SHLD1: variants seen among roughly 807,000 people sequenced by gnomAD.
SHLD1 encodes the protein RINN1-REV7-interacting novel NHEJ regulator 3.
In SHLD1, 3 loss-of-function variants were observed where a neutral mutation model predicts 5.5. The ratio of observed to expected loss-of-function variants is 0.54; its 90% CI spans 0.25 to 1.40. The LOEUF (loss-of-function observed/expected upper bound fraction) is 1.40, where lower values mean the gene tolerates loss of function less well. SHLD1 is among the 40% of genes most tolerant of loss of function. SHLD1 has a pLI of 0.15. For missense variants in SHLD1, 210 were observed against 244.4 expected (o/e 0.86, Z 0.94); for synonymous variants, 92 against 94.3 (o/e 0.98, Z 0.14).
At chr20:5,817,153 C>T (rs1861220004) in intron 2 of SHLD1, among the ~76,000 whole-genome samples, 1 of 152,148 alleles carries the variant, frequency 6.6e-6, no homozygotes, top group African/African-American at 2.4e-5. Context: ...ATTCCATCAT[C>T]TTTATCATTT....
intron 2 of SHLD1, among the ~76,000 whole-genome samples, chr20:5,818,047 CTTTTCTTTTTCTCCTTT>C (rs1369193363): frequency 4.6e-5 from 7 of 151,748 alleles, no homozygotes; most frequent in African/African-American, 1.7e-4. Context: ...GTCCAGTTTT[CTTTTCTTTTTCTCCTTT>C]TTTTCTTTTT....
At chr20:5,774,521 G>A (rs542019725) in intron 2 of SHLD1, among the ~76,000 whole-genome samples, 2 of 152,286 alleles carry the variant, frequency 1.3e-5, no homozygotes, top group South Asian at 2.1e-4. Context: ...GAGAAAAGAG[G>A]TTTAATTGGC....
At chr20:5,810,383 AATCTC>A (rs2087442305) in intron 2 of SHLD1, among the ~76,000 whole-genome samples, 1 of 152,102 alleles carries the variant, frequency 6.6e-6, no homozygotes, top group South Asian at 2.1e-4. Context: ...TAGGTGTTCT[AATCTC>A]ATTATTGCCT....
At chr20:5,816,261 G>C (rs923593639) in intron 2 of SHLD1, among the ~76,000 whole-genome samples, 1 of 152,018 alleles carries the variant, frequency 6.6e-6, no homozygotes, top group Non-Finnish European at 1.5e-5. Context: ...GTTCCAAAAA[G>C]ACACATTTTC....
intron 2 of SHLD1, among the ~76,000 whole-genome samples, chr20:5,781,762 A>C (rs1404344664): frequency 1.3e-5 from 2 of 152,154 alleles, no homozygotes; most frequent in African/African-American, 2.4e-5. Context: ...TACAGGTGTG[A>C]GCTACCACAC....
chr20:5,860,308 GTTTT>G (rs2088144525), intron 2 of SHLD1, among the ~76,000 whole-genome samples: 1 of 152,200 alleles, frequency 6.6e-6, no homozygotes, highest in African/African-American at 2.4e-5. Context: ...AGCAAAGGAA[GTTTT>G]TACATCTATC....
At chr20:5,789,212 T>TGC in intron 2 of SHLD1, among the ~76,000 whole-genome samples, 2 of 74,370 alleles carry the variant, frequency 2.7e-5, no homozygotes, top group African/African-American at 9.5e-5. Flanking sequence ...GTTGTGCTTT[T>TGC]TTTTTTTTTT....
intron 2 of SHLD1, among the ~76,000 whole-genome samples, chr20:5,860,204 C>T (rs2088143073): frequency 6.6e-6 from 1 of 152,160 alleles, no homozygotes; most frequent in African/African-American, 2.4e-5. Context: ...CATTCCCTCT[C>T]CTTCTCCCTT....
At chr20:5,828,388 T>G (rs934633388) in intron 2 of SHLD1, among the ~76,000 whole-genome samples, 2 of 152,190 alleles carry the variant, frequency 1.3e-5, no homozygotes, top group Admixed American at 1.3e-4. Context: ...TTATAACATA[T>G]CGTAACCTTA....
At position 5,863,684 on chromosome 20, in the gene SHLD1, G is replaced by A. The variant is rs2088194308; in HGVS notation, c.*221G>A. ...GGGAGTTCTCCGTCCTCTTGGCCAA[G>A]GCCGCTGACTGACTGGGCTACGAGT... On this transcript the variant is annotated 3_prime_UTR_variant, in exon 3 of 3. Transcript: ENST00000303142. The A allele has an allele frequency of 6.0e-6, 3 of 496,036 alleles. No homozygotes were observed. The highest frequency in any genetic ancestry group is 1.1e-5 in the Non-Finnish European group (3 of 284,480). The allele number at this position is 496,036 out of a possible 1,614,324, so 30.7% of individuals were successfully genotyped here.
At chr20:5,823,905 C>T (rs1458817507) in intron 2 of SHLD1, among the ~76,000 whole-genome samples, 5 of 152,174 alleles carry the variant, frequency 3.3e-5, no homozygotes. Context: ...TCACCACCTC[C>T]TCCACTCTAC....
At chr20:5,796,701 C>T (rs2087217362) in intron 2 of SHLD1, among the ~76,000 whole-genome samples, 1 of 151,710 alleles carries the variant, frequency 6.6e-6, no homozygotes, top group South Asian at 2.1e-4. Flanking sequence ...GAGTGGCATG[C>T]GCATATAGTG....
intron 2 of SHLD1, among the ~76,000 whole-genome samples, chr20:5,837,766 CAT>C (rs1161949749): frequency 6.6e-6 from 1 of 152,202 alleles, no homozygotes; most frequent in Non-Finnish European, 1.5e-5. Flanking sequence ...TTAGTATCTA[CAT>C]ATGTTTTACA....
intron 2 of SHLD1, among the ~76,000 whole-genome samples, chr20:5,831,020 C>A (rs188727643): frequency 1.0e-3 from 153 of 152,092 alleles, no homozygotes; most frequent in African/African-American, 3.5e-3. Flanking sequence ...AAAAAAAAAT[C>A]AGTTTGAAAA....
At chr20:5,819,109 G>T (rs113376719) in intron 2 of SHLD1, among the ~76,000 whole-genome samples, 2,858 of 152,076 alleles carry the variant, frequency 0.019, 99 homozygotes, top group African/African-American at 0.066. Flanking sequence ...TGATCTGCCC[G>T]CCTCAGCCTC....
At chr20:5,786,566 C>T (rs1422757074) in intron 2 of SHLD1, among the ~76,000 whole-genome samples, 4 of 150,398 alleles carry the variant, frequency 2.7e-5, no homozygotes, top group South Asian at 2.1e-4. Context: ...CAGAATGAGA[C>T]CTCATCTCTT....
Position 5,863,431 on chromosome 20 carries a change from C to A in SHLD1, c.586C>A (p.Leu196Ile). ...ACTGTCAAAGGATATTACTCATTTC[C>A]TCTTGCAGCAGAATGTAATGAAAGA... is the stretch of plus-strand genomic sequence containing the variant. ...PGLSKDITHF[L>I]LQQNVMKDL Residue 196 changes from leucine to isoleucine, a missense_variant, in exon 3 of 3, where the codon CTC becomes ATC. Physicochemically the swap from Leu to Ile is conservative, Grantham distance 5. Coordinates refer to ENST00000303142, the MANE Select transcript of SHLD1 (RefSeq NM_152504.4). The A allele has an allele frequency of 6.2e-7, 1 of 1,609,358 alleles. No individual in the cohort carries two copies. The highest frequency in any genetic ancestry group is 8.5e-7 in the Non-Finnish European group (1 of 1,177,868).
Position 5,832,841 on chromosome 20 carries a change from AAATAAATG to A in SHLD1, c.179-30182_179-30175del, listed in dbSNP as rs1374553920. Among the ~76,000 whole-genome samples, 10 of 128,894 alleles carry A rather than the reference AAATAAATG, an allele frequency of 7.8e-5. No homozygotes were observed. The South Asian group carries it at 2.3e-3, about 30-fold the overall frequency. The allele number at this position is 128,894 out of a possible 152,430, so 84.6% of individuals were successfully genotyped here. ...TAAATAAATAAATAAATAAATAAAT[AAATAAATG>A]GGGAAAAAAGCAGGTATCCAACATA... On this transcript the variant is annotated intron_variant, in intron 2 of 2. Transcript: ENST00000303142.
chr20:5,852,396 T>G (rs549620267), intron 2 of SHLD1, among the ~76,000 whole-genome samples: 1 of 151,820 alleles, frequency 6.6e-6, no homozygotes, highest in Non-Finnish European at 1.5e-5. Flanking sequence ...TCACCTTCCT[T>G]TCCTTCCTTC....
Sources: gnomAD v4.1 joint callset for allele counts (sites outside exome capture counted in the v4.1 genomes callset) on GRCh38, gnomAD v4.1.1 for gene constraint, MANE v1.5 for transcripts, NCBI Gene and HGNC (gene_info 2026-07-23, HGNC 2026-07-21) for gene names.